Variants in SORCS2 observed in about 807,000 individuals in gnomAD.
SORCS2 encodes the protein sortilin related VPS10 domain containing receptor 2.
In SORCS2, 100 loss-of-function variants were observed where a neutral mutation model predicts 141.6. The ratio of observed to expected loss-of-function variants is 0.71; its 90% CI spans 0.60 to 0.83. The LOEUF is 0.83. SORCS2 is among the 40% of genes least tolerant of loss of function. SORCS2 has a pLI of 0.00. For missense variants in SORCS2, 1,646 were observed against 1,560.2 expected (o/e 1.05, Z -0.93); for synonymous variants, 789 against 676.9 (o/e 1.17, Z -2.57).
At chr4:7,362,536 C>T (rs1721638887) in intron 1 of SORCS2, among the ~76,000 whole-genome samples, 1 of 152,142 alleles carries the variant, frequency 6.6e-6, no homozygotes, top group Admixed American at 6.5e-5. Flanking sequence ...TGGACCAGTG[C>T]CCAGGCTACT....
At chr4:7,356,589 C>T (rs760596154) in intron 1 of SORCS2, among the ~76,000 whole-genome samples, 1 of 152,236 alleles carries the variant, frequency 6.6e-6, no homozygotes, top group Non-Finnish European at 1.5e-5. Flanking sequence ...ACTACTTCTG[C>T]ACCCACTCAC....
chr4:7,456,959 G>A (rs1728951616), intron 2 of SORCS2, among the ~76,000 whole-genome samples: 1 of 152,108 alleles, frequency 6.6e-6, no homozygotes, highest in African/African-American at 2.4e-5. Flanking sequence ...CCACCTCCAG[G>A]GTTGTGGTGA....
chr4:7,455,511 T>C (rs1728841167), intron 2 of SORCS2, among the ~76,000 whole-genome samples: 1 of 145,616 alleles, frequency 6.9e-6, no homozygotes, highest in Admixed American at 6.8e-5. Flanking sequence ...AGGCTCCGTG[T>C]TGGGGTCAGC....
chr4:7,197,449 G>A (rs10937789), intron 1 of SORCS2, among the ~76,000 whole-genome samples: 30,524 of 151,994 alleles, frequency 0.2, 3,391 homozygotes, highest in East Asian at 0.37. Flanking sequence ...AGATGGACAT[G>A]AACAGCTAGG....
intron 9 of SORCS2, among the ~76,000 whole-genome samples, chr4:7,676,591 G>C (rs1162034381): frequency 6.6e-6 from 1 of 151,964 alleles, no homozygotes; most frequent in African/African-American, 2.4e-5. Flanking sequence ...GTCCTGGGCT[G>C]GGGTCACCCC....
At chr4:7,359,252 C>A (rs190500868) in intron 1 of SORCS2, among the ~76,000 whole-genome samples, 1 of 152,036 alleles carries the variant, frequency 6.6e-6, no homozygotes, top group South Asian at 2.1e-4. Flanking sequence ...GCCAAGATGG[C>A]GCCACTGCAT....
chr4:7,657,828 C>G (rs1363984840), intron 5 of SORCS2, among the ~76,000 whole-genome samples: 1 of 134,392 alleles, frequency 7.4e-6, no homozygotes, highest in African/African-American at 2.8e-5. Context: ...GTGGGTGAGT[C>G]TGTGACTGAG....
intron 3 of SORCS2, among the ~76,000 whole-genome samples, chr4:7,627,659 C>T (rs1577861382): frequency 6.6e-6 from 1 of 152,202 alleles, no homozygotes; most frequent in South Asian, 2.1e-4. Context: ...AATGCCTTAG[C>T]AAAATTCCTG....
chr4:7,269,399 T>C (rs1367131245), intron 1 of SORCS2, among the ~76,000 whole-genome samples: 1 of 152,216 alleles, frequency 6.6e-6, no homozygotes, highest in Non-Finnish European at 1.5e-5. Context: ...CAAAAAGAGA[T>C]GTCCGTATCC....
At chr4:7,583,546 G>A (rs1227827592) in intron 3 of SORCS2, among the ~76,000 whole-genome samples, 2 of 152,144 alleles carry the variant, frequency 1.3e-5, no homozygotes, top group African/African-American at 4.8e-5. Context: ...GGGCCCAGTG[G>A]GAGATAACTG....
chr4:7,274,285 G>C (rs969282195), intron 1 of SORCS2, among the ~76,000 whole-genome samples: 1 of 152,236 alleles, frequency 6.6e-6, no homozygotes, highest in African/African-American at 2.4e-5. Context: ...TTGGAAGAGG[G>C]CTCCGCCTCA....
At chr4:7,730,221 C>T (rs1274214013) in intron 23 of SORCS2, among the ~76,000 whole-genome samples, 1 of 152,186 alleles carries the variant, frequency 6.6e-6, no homozygotes, top group African/African-American at 2.4e-5. Context: ...AAAGATGAAC[C>T]AGAATCCCTT....
At chr4:7,676,454 A>C (rs1723118320) in intron 9 of SORCS2, among the ~76,000 whole-genome samples, 1 of 152,232 alleles carries the variant, frequency 6.6e-6, no homozygotes, top group Admixed American at 6.5e-5. Flanking sequence ...GAAATTCGAA[A>C]TACAATGATC....
intron 3 of SORCS2, among the ~76,000 whole-genome samples, chr4:7,587,376 T>C (rs1716605052): frequency 1.3e-5 from 2 of 152,210 alleles, no homozygotes. Context: ...TACGTGGCCA[T>C]GTTGGCGTTT....
intron 1 of SORCS2, among the ~76,000 whole-genome samples, chr4:7,253,117 G>A (rs554970840): frequency 6.6e-6 from 1 of 152,386 alleles, no homozygotes; most frequent in East Asian, 1.9e-4. Context: ...GATCAAGGGT[G>A]TCCTGGTGAT....
chr4:7,300,318 G>C (rs1323631858), intron 1 of SORCS2, among the ~76,000 whole-genome samples: 1 of 152,144 alleles, frequency 6.6e-6, no homozygotes, highest in Non-Finnish European at 1.5e-5. Flanking sequence ...GCGGGCGGAG[G>C]GTGGGGGGTA....
intron 2 of SORCS2, among the ~76,000 whole-genome samples, chr4:7,465,009 G>T (rs911920409): frequency 2.0e-5 from 3 of 152,256 alleles, no homozygotes; most frequent in African/African-American, 7.2e-5. Flanking sequence ...TGGGGGTTCT[G>T]CCCAGGTTAT....
At chr4:7,434,752 C>T (rs1164568885) in intron 2 of SORCS2, 2 of 1,613,104 alleles carry the variant, frequency 1.2e-6, no homozygotes, top group Non-Finnish European at 8.5e-7. Flanking sequence ...CACAGCCCCG[C>T]ACCTGGCAGC....
chr4:7,335,470 C>T (rs574623453), intron 1 of SORCS2, among the ~76,000 whole-genome samples: 1 of 152,336 alleles, frequency 6.6e-6, no homozygotes, highest in South Asian at 2.1e-4. Flanking sequence ...GCGCTGCCTT[C>T]CCAGGACGCC....
Sources: allele counts gnomAD v4.1 joint callset (sites outside exome capture counted in the v4.1 genomes callset), GRCh38; gene constraint gnomAD v4.1.1; transcripts MANE v1.5; gene names NCBI Gene and HGNC (gene_info 2026-07-23, HGNC 2026-07-21).